ITGA9: variants seen among roughly 807,000 people sequenced by gnomAD.
ITGA9 encodes the protein integrin subunit alpha 9.
A neutral mutation model predicts 127.8 loss-of-function variants in ITGA9; 56 were observed. The ratio of observed to expected loss-of-function variants is 0.44; its 90% CI spans 0.35 to 0.55. The LOEUF is 0.55. Ranked by LOEUF, ITGA9 falls within the 20% of genes least tolerant of loss-of-function variation. The pLI, the probability that ITGA9 is intolerant of heterozygous loss-of-function variation, is 0.00. For synonymous variants in ITGA9, 508 were observed against 514.5 expected, an observed-to-expected ratio of 0.99 and a Z score of 0.17; for missense variants, 1,196 against 1,347.1, an observed-to-expected ratio of 0.89 and a Z score of 1.76.
At chr3:37,592,555 G>T (rs1367449875) in intron 15 of ITGA9, among the ~76,000 whole-genome samples, 1 of 152,182 alleles carries the variant, frequency 6.6e-6, no homozygotes, top group Non-Finnish European at 1.5e-5. Context: ...AGAGGAGGCT[G>T]GGAAATGTGG....
intron 4 of ITGA9, among the ~76,000 whole-genome samples, chr3:37,489,738 G>T (rs2125562946): frequency 2.6e-5 from 3 of 117,546 alleles, no homozygotes; most frequent in Non-Finnish European, 3.5e-5. Context: ...CAAATGCATT[G>T]TTTCCTGTAT....
chr3:37,560,642 T>C (rs904384289), intron 15 of ITGA9, among the ~76,000 whole-genome samples: 2 of 152,236 alleles, frequency 1.3e-5, no homozygotes, highest in African/African-American at 4.8e-5. Flanking sequence ...ATGATCACCA[T>C]TCTAACTGGC....
chr3:37,465,649 G>T (rs556643997), intron 1 of ITGA9, among the ~76,000 whole-genome samples: 42 of 152,340 alleles, frequency 2.8e-4, no homozygotes, highest in African/African-American at 1.0e-3. Context: ...TGACAGCAGT[G>T]TCAATGCTTT....
intron 23 of ITGA9, among the ~76,000 whole-genome samples, chr3:37,757,867 T>C (rs1359261281): frequency 6.6e-6 from 1 of 151,700 alleles, no homozygotes; most frequent in Non-Finnish European, 1.5e-5. Context: ...CTTATGTTAA[T>C]ATAAGCTGTT....
At chr3:37,756,379 C>T (rs1005624798) in intron 23 of ITGA9, among the ~76,000 whole-genome samples, 1 of 152,132 alleles carries the variant, frequency 6.6e-6, no homozygotes, top group African/African-American at 2.4e-5. Flanking sequence ...AAGAAATTGA[C>T]ACATTCACAG....
chr3:37,668,262 G>GCCACGTGCTCATAGTCC (rs1700604218), intron 17 of ITGA9, among the ~76,000 whole-genome samples: 1 of 152,202 alleles, frequency 6.6e-6, no homozygotes, highest in Admixed American at 6.5e-5. Context: ...GAAGAGGCTG[G>GCCACGTGCTCATAGTCC]CCACGTGCTC....
intron 26 of ITGA9, among the ~76,000 whole-genome samples, chr3:37,802,545 A>AT (rs953449567): frequency 5.3e-5 from 8 of 152,122 alleles, no homozygotes; most frequent in East Asian, 1.9e-4. Context: ...CAGAGCTGTG[A>AT]TTTTTTTGTC....
At chr3:37,510,024 CTT>C (rs5848025) in intron 8 of ITGA9, among the ~76,000 whole-genome samples, 21 of 136,204 alleles carry the variant, frequency 1.5e-4, no homozygotes, top group Admixed American at 1.5e-4. Context: ...TAAAGGATTC[CTT>C]TTTTTTTTTT....
intron 3 of ITGA9, among the ~76,000 whole-genome samples, chr3:37,473,700 A>C (rs1234393287): frequency 1.3e-5 from 2 of 151,992 alleles, no homozygotes; most frequent in Admixed American, 6.6e-5. Flanking sequence ...AGTGCTTTGT[A>C]CATCTCATTC....
At chr3:37,668,771 T>C (rs773177690) in intron 17 of ITGA9, among the ~76,000 whole-genome samples, 2 of 152,212 alleles carry the variant, frequency 1.3e-5, no homozygotes, top group Non-Finnish European at 2.9e-5. Flanking sequence ...CCACCTGATA[T>C]AACCTCAGGT....
chr3:37,523,105 T>C (rs188004365), intron 11 of ITGA9, among the ~76,000 whole-genome samples: 1 of 152,358 alleles, frequency 6.6e-6, no homozygotes, highest in Non-Finnish European at 1.5e-5. Flanking sequence ...GTGTTAAATA[T>C]TTAGTACATA....
chr3:37,634,178 A>C (rs1700255365), intron 16 of ITGA9, among the ~76,000 whole-genome samples: 1 of 152,170 alleles, frequency 6.6e-6, no homozygotes, highest in African/African-American at 2.4e-5. Flanking sequence ...CAAGAAAGGA[A>C]GAAAGGAACA....
chr3:37,615,209 A>G (rs1421212298), intron 15 of ITGA9, among the ~76,000 whole-genome samples: 2 of 152,224 alleles, frequency 1.3e-5, no homozygotes, highest in Non-Finnish European at 2.9e-5. Context: ...CCTTTTCTGC[A>G]TCTATTGAGA....
At chr3:37,679,329 A>G (rs1700712785) in intron 17 of ITGA9, among the ~76,000 whole-genome samples, 2 of 152,184 alleles carry the variant, frequency 1.3e-5, no homozygotes, top group Admixed American at 1.3e-4. Context: ...TGATCGTTTT[A>G]CTATTTCAGC....
intron 17 of ITGA9, among the ~76,000 whole-genome samples, chr3:37,662,973 G>A (rs746991773): frequency 4.6e-5 from 7 of 152,176 alleles, no homozygotes; most frequent in Non-Finnish European, 7.3e-5. Context: ...AATGCTGTCT[G>A]TGACCAGGAT....
intron 22 of ITGA9, chr3:37,748,731 GAGCAAGACTCTGTCTTAAAA>G (rs1351171825): frequency 1.7e-6 from 1 of 574,326 alleles, no homozygotes; most frequent in Non-Finnish European, 3.1e-6. Flanking sequence ...CTGGGCGACA[GAGCAAGACTCTGTCTTAAAA>G]AAAAAAAAAA....
Position 37,655,782 on chromosome 3 carries a change from G to T in ITGA9, c.1916+1992G>T, listed in dbSNP as rs191933242. 3.6e-3 allele frequency among the ~76,000 whole-genome samples: 551 copies of T among 152,274 alleles called. 5 individuals carry two copies. Among genetic ancestry groups the T allele is most frequent in the African/African-American group, 0.013 (527 of 41,554 alleles). On this transcript the variant is annotated intron_variant, in intron 17 of 27. Transcript: ENST00000264741. The stretch of plus-strand genomic sequence containing the variant: ...AAGTCTTTGCCCATGCCTATGTCCT[G>T]AATGGTATTGCCTAGGTTTTCTTCT...
chr3:37,545,762 A>G (rs1474016377), intron 15 of ITGA9, among the ~76,000 whole-genome samples: 1 of 152,118 alleles, frequency 6.6e-6, no homozygotes, highest in Non-Finnish European at 1.5e-5. Context: ...TCTCACAGTC[A>G]CAGGCGAAAG....
At chr3:37,650,849 A>G (rs1351714237) in intron 16 of ITGA9, among the ~76,000 whole-genome samples, 1 of 152,122 alleles carries the variant, frequency 6.6e-6, no homozygotes, top group African/African-American at 2.4e-5. Context: ...CTAAGACAAA[A>G]TTGCTATCAC....
Sources: gnomAD v4.1 joint callset for allele counts (sites outside exome capture counted in the v4.1 genomes callset) on GRCh38, gnomAD v4.1.1 for gene constraint, MANE v1.5 for transcripts, NCBI Gene and HGNC (gene_info 2026-07-23, HGNC 2026-07-21) for gene names.